Variants in BCAS3 observed in about 807,000 individuals in gnomAD.
BCAS3 encodes the protein BCAS3 microtubule associated cell migration factor.
In BCAS3, 53 loss-of-function variants were observed where a neutral mutation model predicts 116.1. The observed-to-expected ratio is 0.46, with a 90% CI of 0.37 to 0.57. The LOEUF (loss-of-function observed/expected upper bound fraction) is 0.57. BCAS3 is among the 20% of genes least tolerant of loss of function. BCAS3 has a pLI of 0.00. For missense variants in BCAS3, 917 were observed against 1,165.4 expected, an observed-to-expected ratio of 0.79 and a Z score of 3.10; for synonymous variants, 391 against 408.2, an observed-to-expected ratio of 0.96 and a Z score of 0.51.
chr17:60,985,074 G>T (rs1378193303), intron 14 of BCAS3, among the ~76,000 whole-genome samples: 1 of 148,156 alleles, frequency 6.7e-6, no homozygotes, highest in Non-Finnish European at 1.5e-5. Flanking sequence ...TAAGTGCATA[G>T]TGAAGAATGG....
intron 22 of BCAS3, among the ~76,000 whole-genome samples, chr17:61,263,025 C>G (rs1602267012): frequency 6.6e-6 from 1 of 152,182 alleles, no homozygotes; most frequent in Non-Finnish European, 1.5e-5. Context: ...TGTCAATTAT[C>G]CCCAAGTTAA....
chr17:61,241,103 A>G lies in BCAS3; in HGVS notation c.2426-127224A>G, dbSNP rs550931879. On this transcript the variant is annotated intron_variant, in intron 22 of 23. Transcript: ENST00000407086. The surrounding 1 kb of genome is among the most constrained non-coding windows in gnomAD (Gnocchi z 4.6). ...CAAAAGACTCTGAATAGCAATTACA[A>G]TACAGTTAAGCTTTCTTTGGGGGAC... 5.0e-4 allele frequency among the ~76,000 whole-genome samples: 76 copies of G among 152,334 alleles called. 3 individuals carry two copies. The South Asian group carries it at 0.015, about 31-fold the overall frequency.
rs1178356549 is a variant in BCAS3, at chr17:61,387,884, G to A, written c.2594-4093G>A. Among the ~76,000 whole-genome samples the A allele has an allele frequency of 6.6e-6, 1 of 152,204 alleles. No individual in the cohort carries two copies. Among genetic ancestry groups the A allele is most frequent in the African/African-American group, 2.4e-5 (1 of 41,442 alleles). On this transcript the variant is annotated intron_variant, in intron 23 of 23. Transcript: ENST00000407086. This position sits in a 1 kb window ranked among gnomAD's most constrained non-coding sequence, Gnocchi z 6.2. ...ACCCAGGGGACCACATCCCTGGAGA[G>A]TGCAAGGTCACAATGAGGTGACTGG... is the stretch of plus-strand genomic sequence containing the variant.
intron 22 of BCAS3, among the ~76,000 whole-genome samples, chr17:61,297,916 A>G (rs943452497): frequency 1.3e-5 from 2 of 152,232 alleles, no homozygotes; most frequent in African/African-American, 4.8e-5. Flanking sequence ...CAATAGTATC[A>G]AACGACTACC....
At chr17:60,747,130 T>C in intron 5 of BCAS3, 68 bp from the exon 6 acceptor site, 2 of 1,049,206 alleles carry the variant, frequency 1.9e-6, no homozygotes, top group Non-Finnish European at 2.8e-6. Context: ...TAGAAGATCT[T>C]GTTTTTATAT....
intron 23 of BCAS3, among the ~76,000 whole-genome samples, chr17:61,374,194 T>G (rs972902397): frequency 6.7e-6 from 1 of 150,226 alleles, no homozygotes; most frequent in Non-Finnish European, 1.5e-5. Flanking sequence ...TTCCTTTTTT[T>G]TTTTTTTTCT....
chr17:60,730,651 T>G (rs2040370671), intron 5 of BCAS3, among the ~76,000 whole-genome samples: 1 of 152,216 alleles, frequency 6.6e-6, no homozygotes, highest in South Asian at 2.1e-4. Context: ...TTAGGAAAAC[T>G]TTCCTCAAAG....
At chr17:61,212,493 G>A (rs1034654508) in intron 22 of BCAS3, among the ~76,000 whole-genome samples, 1 of 151,192 alleles carries the variant, frequency 6.6e-6, no homozygotes, top group South Asian at 2.1e-4. Context: ...TGTTCAAAAG[G>A]CTACCTAAAT....
chr17:61,053,885 C>T (rs2069112843), intron 19 of BCAS3, among the ~76,000 whole-genome samples: 1 of 152,148 alleles, frequency 6.6e-6, no homozygotes. Context: ...ACATATCCTT[C>T]CATAGAGAAA....
At chr17:61,047,860 A>C (rs747979347) in intron 19 of BCAS3, among the ~76,000 whole-genome samples, 1 of 152,072 alleles carries the variant, frequency 6.6e-6, no homozygotes, top group African/African-American at 2.4e-5. Flanking sequence ...TGGCAGCAAC[A>C]GTGTTTTTAA....
chr17:60,886,808 A>C (rs2056688511), intron 9 of BCAS3, among the ~76,000 whole-genome samples: 1 of 151,972 alleles, frequency 6.6e-6, no homozygotes, highest in Non-Finnish European at 1.5e-5. Flanking sequence ...CGGTTCTCAG[A>C]TCTCCAGCTG....
At chr17:60,687,172 A>G (rs1006276294) in intron 3 of BCAS3, among the ~76,000 whole-genome samples, 3 of 152,240 alleles carry the variant, frequency 2.0e-5, no homozygotes, top group Admixed American at 6.5e-5. Context: ...TAAAAGAAGT[A>G]AATAAATCTT....
chr17:61,022,708 T>C (rs953620648), intron 16 of BCAS3, among the ~76,000 whole-genome samples: 1 of 152,172 alleles, frequency 6.6e-6, no homozygotes, highest in Non-Finnish European at 1.5e-5. Flanking sequence ...AGTGTGATCA[T>C]AGTTCACTGT....
At chr17:61,373,867 G>T (rs367878584) in intron 23 of BCAS3, among the ~76,000 whole-genome samples, 1 of 128,316 alleles carries the variant, frequency 7.8e-6, no homozygotes, top group South Asian at 2.4e-4. Context: ...GTGCGATCTC[G>T]GCTCACTGCA....
chr17:60,935,089 A>G (rs74431314), intron 13 of BCAS3, among the ~76,000 whole-genome samples: 1,776 of 152,246 alleles, frequency 0.012, 35 homozygotes, highest in African/African-American at 0.039. Context: ...GTTTGAACCC[A>G]GGAGGTAGAG....
At chr17:61,143,769 A>C (rs1396674033) in intron 22 of BCAS3, among the ~76,000 whole-genome samples, 1 of 152,216 alleles carries the variant, frequency 6.6e-6, no homozygotes, top group Non-Finnish European at 1.5e-5. Flanking sequence ...AGATTGTGCC[A>C]CTGCACTCTA....
intron 14 of BCAS3, among the ~76,000 whole-genome samples, chr17:60,968,450 C>A (rs779953089): frequency 6.6e-6 from 1 of 152,134 alleles, no homozygotes; most frequent in East Asian, 1.9e-4. Context: ...CTGCCTGTCA[C>A]AAACTCCTGG....
At position 61,199,038 on chromosome 17, in the gene BCAS3, C is replaced by G. The variant is rs138422201; in HGVS notation, c.2425+114474C>G. The stretch of plus-strand genomic sequence containing the variant: ...ATATATAAATGAAACCAACATTTCT[C>G]TATCCTGGAAAAAAAGTGTCCAGTA... On this transcript the variant is annotated intron_variant, in intron 22 of 23. Transcript: ENST00000407086. The surrounding 1 kb of genome is among the most constrained non-coding windows in gnomAD (Gnocchi z 4.6). Among the ~76,000 whole-genome samples, 604 of 152,276 alleles carry G rather than the reference C, an allele frequency of 4.0e-3. 5 individuals carry two copies. The highest frequency in any genetic ancestry group is 7.2e-3 in the Non-Finnish European group (491 of 68,010).
intron 7 of BCAS3, among the ~76,000 whole-genome samples, chr17:60,848,533 T>C (rs1479496770): frequency 2.0e-5 from 3 of 152,202 alleles, no homozygotes; most frequent in Non-Finnish European, 4.4e-5. Flanking sequence ...TTTTATTTCT[T>C]TTTATTGCCT....
Sources: gnomAD v4.1 joint callset for allele counts (sites outside exome capture counted in the v4.1 genomes callset) on GRCh38, gnomAD v4.1.1 for gene constraint, Gnocchi (gnomAD v3.1) non-coding constraint, MANE v1.5 for transcripts, NCBI Gene and HGNC (gene_info 2026-07-23, HGNC 2026-07-21) for gene names.